The following VPS13A variants were observed in gnomAD, a reference collection of about 807,000 sequenced individuals.
The protein encoded by VPS13A is vacuolar protein sorting 13 homolog A, also known as intermembrane lipid transfer protein VPS13A.
In VPS13A, 264 loss-of-function variants were observed where a neutral mutation model predicts 390.9. The observed-to-expected ratio is 0.68, with a 90% confidence interval of 0.61 to 0.75. The LOEUF is 0.75. Among genes scored for constraint, VPS13A ranks in the 30% least tolerant of loss-of-function variants. The pLI is 0.00. For synonymous variants in VPS13A, 1,231 were observed against 1,227.1 expected (o/e 1.00, Z -0.07); for missense variants, 3,409 against 3,733.9 (o/e 0.91, Z 2.27).
chr9:77,336,890 G>A (rs1012218705), intron 46 of VPS13A, among the ~76,000 whole-genome samples: 12 of 145,100 alleles, frequency 8.3e-5, no homozygotes, highest in African/African-American at 2.1e-4. Context: ...TCTGCCTCCC[G>A]GGTTCTCTCC....
At chr9:77,188,147 G>A (rs1250495992) in intron 1 of VPS13A, among the ~76,000 whole-genome samples, 4 of 152,120 alleles carry the variant, frequency 2.6e-5, no homozygotes, top group East Asian at 1.9e-4. Context: ...TTCTGGCTCC[G>A]CTTTTGCCTT....
intron 35 of VPS13A, among the ~76,000 whole-genome samples, chr9:77,309,349 A>G (rs540634740): frequency 6.6e-6 from 1 of 152,334 alleles, no homozygotes; most frequent in East Asian, 1.9e-4. Flanking sequence ...AGAAGGTCCA[A>G]TTCCAGAATG....
rs1829834125 is a variant in VPS13A, at chr9:77,323,088, CTGA to C, written c.5854_5856del (p.Asp1952del). 3 of 1,612,568 alleles carry C rather than the reference CTGA, an allele frequency of 1.9e-6. No homozygotes were observed. The highest frequency in any genetic ancestry group is 2.5e-6 in the Non-Finnish European group (3 of 1,178,942). ...TTAGCACCTGTTAACCATTCTACTGCTGATAAGATTCCTTTAACAAAAGTGGGA... is the reference window on the plus strand; with the variant it reads ...TTAGCACCTGTTAACCATTCTACTGCTAAGATTCCTTTAACAAAAGTGGGA... On this transcript the variant is annotated inframe_deletion, in exon 45 of 72. Transcript: ENST00000360280.
Position 77,323,100 on chromosome 9 carries a change from C to A in VPS13A, c.5864C>A (p.Pro1955His). The change falls in exon 45 of 72, where the codon CCT (proline) becomes CAT (histidine). Residue 1955 changes from proline (P) to histidine (H), a missense_variant. Around this residue, in one of 5 missense-constraint regions of VPS13A, gnomAD observed 2,717 missense variants for 2,917.4 expected, o/e 0.93. Coordinates refer to ENST00000360280, the MANE Select transcript of VPS13A (RefSeq NM_033305.3). ...PVNHSTADKI[P>H]LTKVGRRLYT... ...AACCATTCTACTGCTGATAAGATTC[C>A]TTTAACAAAAGTGGGACGACGTCTG... 1.2e-6 allele frequency: 2 copies of A among 1,612,882 alleles called. No individual in the cohort carries two copies. Among genetic ancestry groups the A allele is most frequent in the African/African-American group, 2.7e-5 (2 of 74,968 alleles).
chr9:77,366,850 G>A lies in VPS13A; in HGVS notation c.8449G>A (p.Asp2817Asn), dbSNP rs765356331. Residue 2817 changes from aspartate to asparagine, a missense_variant, in exon 61 of 72, where the codon GAT (aspartate) becomes AAT (asparagine). Around this residue, in one of 5 missense-constraint regions of VPS13A, gnomAD observed 123 missense variants for 118.7 expected, o/e 1.04. Coordinates refer to ENST00000360280, the MANE Select transcript of VPS13A (RefSeq NM_033305.3). ...LLKSIGATLTDVQDVVFKLAF... is the reference protein window; with the variant it reads ...LLKSIGATLTNVQDVVFKLAF... ...GAAGAGTATTGGTGCCACACTGACA[G>A]ATGTACAAGATGTAGTTTTTAAGTA... The A allele has an allele frequency of 2.5e-6, 4 of 1,612,976 alleles. No individual in the cohort carries two copies. The Admixed American group carries it at 6.7e-5, about 27-fold the overall frequency.
intron 63 of VPS13A, 104 bp from the exon 64 acceptor site, chr9:77,370,153 T>A: frequency 8.1e-7 from 1 of 1,230,754 alleles, no homozygotes; most frequent in Non-Finnish European, 1.2e-6. Flanking sequence ...TGGGACAACA[T>A]TATCCATTTT....
intron 68 of VPS13A, among the ~76,000 whole-genome samples, chr9:77,391,978 G>A (rs1193900444): frequency 6.6e-6 from 1 of 152,190 alleles, no homozygotes; most frequent in East Asian, 1.9e-4. Context: ...GAAGGTTCCT[G>A]CTCATCTCTC....
At chr9:77,217,889 C>T (rs1345379656) in intron 10 of VPS13A, among the ~76,000 whole-genome samples, 1 of 151,524 alleles carries the variant, frequency 6.6e-6, no homozygotes, top group African/African-American at 2.4e-5. Flanking sequence ...GTGAAGTATC[C>T]ATACTGTTTT....
chr9:77,271,749 T>G (rs1021579418), intron 23 of VPS13A, among the ~76,000 whole-genome samples: 2 of 152,124 alleles, frequency 1.3e-5, no homozygotes, highest in African/African-American at 4.8e-5. Context: ...TTTAAGAACT[T>G]AACAAAACTT....
intron 20 of VPS13A, among the ~76,000 whole-genome samples, chr9:77,247,721 T>G (rs937214075): frequency 2.4e-4 from 36 of 152,152 alleles, no homozygotes; most frequent in African/African-American, 7.5e-4. Context: ...AATACAGTAC[T>G]GCGACCTTGG....
At chr9:77,328,081 A>G (rs1020255720) in intron 45 of VPS13A, among the ~76,000 whole-genome samples, 10 of 152,342 alleles carry the variant, frequency 6.6e-5, no homozygotes, top group Middle Eastern at 3.4e-3. Flanking sequence ...AATGTTACAT[A>G]TAATATTAAG....
intron 68 of VPS13A, chr9:77,384,488 C>T: frequency 6.5e-7 from 1 of 1,549,398 alleles, no homozygotes; most frequent in South Asian, 1.1e-5. Context: ...TAAAATTATT[C>T]TCACTCTTTG....
intron 68 of VPS13A, among the ~76,000 whole-genome samples, chr9:77,390,312 G>A (rs909872557): frequency 2.0e-4 from 30 of 152,206 alleles, no homozygotes; most frequent in Non-Finnish European, 2.1e-4. Context: ...CAGATTTCAT[G>A]GAAAAGATTT....
At chr9:77,383,882 C>G (rs1204977359) in intron 68 of VPS13A, among the ~76,000 whole-genome samples, 1 of 151,638 alleles carries the variant, frequency 6.6e-6, no homozygotes, top group East Asian at 1.9e-4. Flanking sequence ...TAGGGATTCA[C>G]CAAGTACCTT....
chr9:77,246,870 G>T (rs1326827736), intron 19 of VPS13A, among the ~76,000 whole-genome samples: 2 of 152,074 alleles, frequency 1.3e-5, no homozygotes, highest in Non-Finnish European at 2.9e-5. Flanking sequence ...AAGATCAAGT[G>T]TTATTGTTCA....
intron 12 of VPS13A, among the ~76,000 whole-genome samples, chr9:77,220,932 T>C (rs180911488): frequency 6.6e-6 from 1 of 152,246 alleles, no homozygotes; most frequent in East Asian, 1.9e-4. Flanking sequence ...ATTAATGCCT[T>C]AACAGTTCTT....
Position 77,307,966 on chromosome 9 carries a change from A to T in VPS13A, c.3982A>T (p.Ile1328Leu). 1 of 1,594,168 alleles carries T rather than the reference A, an allele frequency of 6.3e-7. No homozygotes were observed. Among genetic ancestry groups the T allele is most frequent in the Non-Finnish European group, 8.6e-7 (1 of 1,161,984 alleles). Residue 1328 changes from isoleucine to leucine, a missense_variant, in exon 35 of 72, where the codon ATA (isoleucine) becomes TTA (leucine). By Grantham distance (5) the Ile-to-Leu change is conservative. Coordinates refer to ENST00000360280, the MANE Select transcript of VPS13A (RefSeq NM_033305.3). ...PMEFILSQED[I>L]TTIFKTLHGN... is the part of the protein sequence containing the mutation. Reference sequence around the variant, plus strand: ...ACAGTTCATTCTTAGTCAAGAAGATATAACAACTATTTTTAAAACATTGCA... The same window carrying T: ...ACAGTTCATTCTTAGTCAAGAAGATTTAACAACTATTTTTAAAACATTGCA...
chr9:77,255,514 T>C (rs1290727616), intron 22 of VPS13A, among the ~76,000 whole-genome samples: 2 of 152,280 alleles, frequency 1.3e-5, no homozygotes, highest in Non-Finnish European at 2.9e-5. Flanking sequence ...AGATTTCTTT[T>C]CTTCTAGTAT....
At position 77,321,365 on chromosome 9, in the gene VPS13A, C is replaced by T. The variant is rs372611627; in HGVS notation, c.5574+38C>T. The stretch of plus-strand genomic sequence containing the variant: ...ATTTGAAACTTTAAATATTGAGATA[C>T]TTGTCTGATTGATCTGTCTGTTGAA... On this transcript the variant is annotated intron_variant, in intron 43 of 71. Coordinates refer to ENST00000360280, the MANE Select transcript of VPS13A (RefSeq NM_033305.3). 1.5e-5 allele frequency: 24 copies of T among 1,583,812 alleles called. No homozygotes were observed. The African/African-American group carries it at 2.4e-4, about 16-fold the overall frequency.
Sources: gnomAD v4.1 joint callset for allele counts (sites outside exome capture counted in the v4.1 genomes callset) on GRCh38, gnomAD v4.1.1 for gene constraint, gnomAD v4.1.1 regional missense constraint, MANE v1.5 for transcripts, NCBI Gene and HGNC (gene_info 2026-07-23, HGNC 2026-07-21) for gene names.